Variants in SPOCK1 observed in about 807,000 individuals in gnomAD.
SPOCK1 encodes testican-1.
In SPOCK1, 23 loss-of-function variants were observed where a neutral mutation model predicts 55.3. That is an observed-to-expected ratio of 0.42 (90% CI 0.30 to 0.59). SPOCK1 has a LOEUF of 0.59. Ranked by LOEUF, SPOCK1 falls within the 20% of genes least tolerant of loss-of-function variation. The pLI, the probability that SPOCK1 is intolerant of heterozygous loss-of-function variation, is 0.22. For synonymous variants in SPOCK1, 226 were observed against 221.0 expected, an observed-to-expected ratio of 1.02 and a Z score of -0.20; for missense variants, 499 against 552.5, an observed-to-expected ratio of 0.90 and a Z score of 0.97.
At chr5:137,411,065 T>A (rs1019415690) in intron 2 of SPOCK1, among the ~76,000 whole-genome samples, 1 of 152,166 alleles carries the variant, frequency 6.6e-6, no homozygotes, top group East Asian at 1.9e-4. Context: ...AGGTCTTTAC[T>A]TGGCACCCTC....
rs373672052 is a variant in SPOCK1 at position 137,222,268 on chromosome 5, G to A, written c.232+44742C>T. Among the ~76,000 whole-genome samples, 14 of 152,244 alleles carry A rather than the reference G, an allele frequency of 9.2e-5. 1 individual carries two copies. Among genetic ancestry groups the A allele is most frequent in the African/African-American group, 3.1e-4 (13 of 41,524 alleles). ...GATTCCCGCCCCCACTTCAGAGTAG[G>A]TGGGGGGAACCTCTCTTTGGGTAAG... On this transcript the variant is annotated intron_variant, in intron 3 of 10. Coordinates refer to ENST00000394945, the MANE Select transcript of SPOCK1 (RefSeq NM_004598.4).
intron 3 of SPOCK1, among the ~76,000 whole-genome samples, chr5:137,229,343 T>C (rs1448888868): frequency 6.6e-6 from 1 of 152,032 alleles, no homozygotes; most frequent in Non-Finnish European, 1.5e-5. Flanking sequence ...CCTCCCTAGC[T>C]CATAAAAACA....
At chr5:137,260,440 G>T (rs4147399) in intron 3 of SPOCK1, among the ~76,000 whole-genome samples, 60,532 of 151,952 alleles carry the variant, frequency 0.4, 13,355 homozygotes, top group Non-Finnish European at 0.48. Context: ...GATTAGAGAG[G>T]GAAACATTAA....
At position 137,220,429 on chromosome 5, in the gene SPOCK1, T is replaced by C. The variant is rs183541540; in HGVS notation, c.232+46581A>G. Among the ~76,000 whole-genome samples, 537 of 152,318 alleles carry C rather than the reference T, an allele frequency of 3.5e-3. 3 individuals carry two copies. Among genetic ancestry groups the C allele is most frequent in the African/African-American group, 8.2e-3 (342 of 41,566 alleles). ...GAATGGATCATCATTTTCTAAGTAT[T>C]ATCACACGCAAGGAACTGTACTTTA... On this transcript the variant is annotated intron_variant, in intron 3 of 10. Transcript: ENST00000394945.
chr5:137,319,042 A>G (rs764099032), intron 2 of SPOCK1, among the ~76,000 whole-genome samples: 4 of 152,252 alleles, frequency 2.6e-5, no homozygotes, highest in African/African-American at 4.8e-5. Context: ...GCTAAAAAAC[A>G]TAAGTCACTT....
chr5:137,414,953 C>A (rs754308375), intron 2 of SPOCK1, among the ~76,000 whole-genome samples: 22 of 142,708 alleles, frequency 1.5e-4, no homozygotes, highest in Non-Finnish European at 2.4e-4. Flanking sequence ...CCATCAAAGA[C>A]CTCCCTGAAT....
chr5:137,437,476 G>A (rs1031786807), intron 2 of SPOCK1, among the ~76,000 whole-genome samples: 4 of 152,284 alleles, frequency 2.6e-5, no homozygotes, highest in African/African-American at 9.6e-5. Flanking sequence ...TTTTAGTAGA[G>A]TTGTGCAACT....
intron 2 of SPOCK1, among the ~76,000 whole-genome samples, chr5:137,380,858 C>T (rs1440324585): frequency 2.0e-5 from 3 of 152,172 alleles, no homozygotes; most frequent in Admixed American, 2.0e-4. Flanking sequence ...CTTCAGCTCC[C>T]CTGGGAGCCC....
intron 5 of SPOCK1, among the ~76,000 whole-genome samples, chr5:137,078,933 A>G (rs1046804361): frequency 6.6e-6 from 1 of 152,168 alleles, no homozygotes; most frequent in African/African-American, 2.4e-5. Context: ...CCCAGCAGAA[A>G]AGGTCCCCAG....
At chr5:137,343,448 T>C (rs1489344378) in intron 2 of SPOCK1, among the ~76,000 whole-genome samples, 6 of 152,032 alleles carry the variant, frequency 3.9e-5, no homozygotes, top group South Asian at 2.1e-4. Context: ...CATTCAACAG[T>C]GGAAGAAGGG....
intron 5 of SPOCK1, among the ~76,000 whole-genome samples, chr5:137,110,567 T>G (rs1418062685): frequency 6.6e-6 from 1 of 152,212 alleles, no homozygotes; most frequent in African/African-American, 2.4e-5. Context: ...AAGCAAGTCC[T>G]GTTACTATAA....
At chr5:137,224,112 C>G (rs1423883530) in intron 3 of SPOCK1, among the ~76,000 whole-genome samples, 1 of 152,164 alleles carries the variant, frequency 6.6e-6, no homozygotes, top group African/African-American at 2.4e-5. Flanking sequence ...GAAAGAGGAA[C>G]AGCATAGCTC....
intron 2 of SPOCK1, among the ~76,000 whole-genome samples, chr5:137,292,085 G>T (rs1224309189): frequency 6.6e-6 from 1 of 152,186 alleles, no homozygotes; most frequent in African/African-American, 2.4e-5. Context: ...GTGCAAGCCT[G>T]GATGCAGCCA....
At chr5:137,245,775 A>AC (rs1048333811) in intron 3 of SPOCK1, among the ~76,000 whole-genome samples, 6 of 65,624 alleles carry the variant, frequency 9.1e-5, no homozygotes, top group Non-Finnish European at 1.8e-4. Context: ...ACAAAACAAA[A>AC]CAAAAAAAAA....
chr5:137,124,028 C>A (rs909461002), intron 4 of SPOCK1, among the ~76,000 whole-genome samples: 1 of 152,010 alleles, frequency 6.6e-6, no homozygotes, highest in African/African-American at 2.4e-5. Context: ...CTCTGAGAAC[C>A]GCTCTGATGC....
At chr5:137,332,671 C>T (rs1758208838) in intron 2 of SPOCK1, among the ~76,000 whole-genome samples, 1 of 152,166 alleles carries the variant, frequency 6.6e-6, no homozygotes, top group African/African-American at 2.4e-5. Flanking sequence ...AAAGTGTTTT[C>T]AGATGATACA....
At chr5:137,093,025 G>A (rs1753077950) in intron 5 of SPOCK1, among the ~76,000 whole-genome samples, 1 of 152,026 alleles carries the variant, frequency 6.6e-6, no homozygotes, top group Non-Finnish European at 1.5e-5. Flanking sequence ...CTCCCATGAT[G>A]ACTCATTAAT....
chr5:137,281,446 G>A lies in SPOCK1; in HGVS notation c.187-14391C>T, dbSNP rs138240816. ...AACCACAAACCCTTATAATTAGCCTGTTTCTGGGATGGCAAATAGTGTCAC... is the reference window on the plus strand; with the variant it reads ...AACCACAAACCCTTATAATTAGCCTATTTCTGGGATGGCAAATAGTGTCAC... On this transcript the variant is annotated intron_variant, in intron 2 of 10. Transcript: ENST00000394945. Among the ~76,000 whole-genome samples, 6 of 152,344 alleles carry A rather than the reference G, an allele frequency of 3.9e-5. No homozygotes were observed. In the South Asian group the frequency reaches 6.2e-4, roughly 16 times the overall value.
chr5:137,181,304 T>G (rs1754965086), intron 3 of SPOCK1, among the ~76,000 whole-genome samples: 1 of 152,166 alleles, frequency 6.6e-6, no homozygotes, highest in South Asian at 2.1e-4. Context: ...GGCTATTAAG[T>G]TTGGACTTTA....
Sources: gnomAD v4.1 joint callset for allele counts (sites outside exome capture counted in the v4.1 genomes callset) on GRCh38, gnomAD v4.1.1 for gene constraint, MANE v1.5 for transcripts, NCBI Gene and HGNC (gene_info 2026-07-23, HGNC 2026-07-21) for gene names.